The following OR2A25 variants were observed in gnomAD, a reference collection of about 807,000 sequenced individuals.
OR2A25 encodes the protein olfactory receptor family 2 subfamily A member 25.
For synonymous variants in OR2A25, 162 were observed against 148.1 expected, an observed-to-expected ratio of 1.09 and a Z score of -0.68; for missense variants, 362 against 368.3, an observed-to-expected ratio of 0.98 and a Z score of 0.14.
At chr7:144,072,968 TA>T (rs1198128252) in intron 1 of OR2A25, among the ~76,000 whole-genome samples, 2 of 152,158 alleles carry the variant, frequency 1.3e-5, no homozygotes, top group African/African-American at 4.8e-5. Context: ...GTCATTACAT[TA>T]AATGAAACAA....
rs772473296 is a variant in OR2A25 at position 144,074,263 on chromosome 7, G to A, written c.44G>A (p.Gly15Glu). The A allele has an allele frequency of 2.5e-6, 4 of 1,613,922 alleles. No individual in the cohort carries two copies. In the Admixed American group the frequency reaches 5.0e-5, roughly 20 times the overall value. Residue 15 changes from glycine to glutamate, a missense_variant, in exon 2 of 2, where the codon GGA becomes GAA. Transcript: ENST00000641663. Reference protein sequence around the residue: ...QTSITEFLLLGFPIGPRIQML... With the variant: ...QTSITEFLLLEFPIGPRIQML... ...TCCATCACAGAGTTCCTCCTACTGG[G>A]ATTTCCCATTGGCCCAAGGATTCAG...
rs572306871 is a variant in OR2A25, at chr7:144,073,774, T to C, written c.-4-442T>C. On this transcript the variant is annotated intron_variant, in intron 1 of 1. Coordinates refer to ENST00000641663, the MANE Select transcript of OR2A25 (RefSeq NM_001386096.1). ...GTGAGAAGACCTGATAGCAGGATCA[T>C]TGACATGGTCATCATCCCTCTTTCT... is the stretch of plus-strand genomic sequence containing the variant. Among the ~76,000 whole-genome samples the C allele has an allele frequency of 1.6e-4, 24 of 152,338 alleles. No homozygotes were observed. In the East Asian group the frequency reaches 4.4e-3, roughly 28 times the overall value.
chr7:144,070,191 G>A (rs2051055273), intron 1 of OR2A25: 1 of 152,068 alleles, frequency 6.6e-6, no homozygotes, highest in Non-Finnish European at 1.5e-5. Context: ...CTGAGGCATG[G>A]TTGATCTAAG....
rs373077360 is a variant in OR2A25, at chr7:144,074,778, G to C, written c.559G>C (p.Ala187Pro). The change falls in exon 2 of 2, where the codon GCC (alanine) becomes CCC (proline). Residue 187 changes from alanine to proline, a missense_variant. Ala to Pro is a conservative substitution (Grantham distance 27). Coordinates refer to ENST00000641663, the MANE Select transcript of OR2A25 (RefSeq NM_001386096.1). Reference sequence around the variant, plus strand: ...TGAAATTATGGCTGTTCTCAAACTTGCCTGTGCGGATACCCACATTAATGA... The same window carrying C: ...TGAAATTATGGCTGTTCTCAAACTTCCCTGTGCGGATACCCACATTAATGA... ...FCEIMAVLKLACADTHINEVM... is the reference protein window; with the variant it reads ...FCEIMAVLKLPCADTHINEVM... 1 of 1,614,130 alleles carries C rather than the reference G, an allele frequency of 6.2e-7. No homozygotes were observed. The highest frequency in any genetic ancestry group is 8.5e-7 in the Non-Finnish European group (1 of 1,180,030).
At position 144,074,505 on chromosome 7, in the gene OR2A25, T is replaced by C. The variant is rs1216075945; in HGVS notation, c.286T>C (p.Cys96Arg). Residue 96 changes from cysteine to arginine, a missense_variant, in exon 2 of 2, where the codon TGC (cysteine) becomes CGC (arginine). Physicochemically the swap from Cys to Arg is radical, Grantham distance 180. Coordinates refer to ENST00000641663, the MANE Select transcript of OR2A25 (RefSeq NM_001386096.1). Reference protein sequence around the residue: ...HPAKPISFAGCMTQMFLFLSF... With the variant: ...HPAKPISFAGRMTQMFLFLSF... The stretch of plus-strand genomic sequence containing the variant: ...AGCCAAGCCCATCTCCTTTGCTGGC[T>C]GCATGACCCAGATGTTTCTGTTTTT... 1.2e-6 allele frequency: 2 copies of C among 1,614,254 alleles called. No homozygotes were observed. Among genetic ancestry groups the C allele is most frequent in the Middle Eastern group, 1.6e-4 (1 of 6,062 alleles).
At position 144,074,786 on chromosome 7, in the gene OR2A25, G is replaced by C. The variant is rs753700403; in HGVS notation, c.567G>C (p.Ala189=). The C allele has an allele frequency of 6.2e-7, 1 of 1,614,092 alleles. No homozygotes were observed. Among genetic ancestry groups the C allele is most frequent in the Non-Finnish European group, 8.5e-7 (1 of 1,180,010 alleles). Residue 189 remains alanine (A), a synonymous_variant, in exon 2 of 2, where the codon GCG becomes GCC. Transcript: ENST00000641663. ...TGGCTGTTCTCAAACTTGCCTGTGC[G>C]GATACCCACATTAATGAGGTAATGG... ...EIMAVLKLAC[A]DTHINEVMVL... is the part of the protein sequence containing the mutation.
At position 144,075,548 on chromosome 7, in the gene OR2A25, G is replaced by A. The variant is rs775679138; in HGVS notation, c.*396G>A. 104 of 157,640 alleles carry A rather than the reference G, an allele frequency of 6.6e-4. No individual in the cohort carries two copies. The highest frequency in any genetic ancestry group is 1.1e-3 in the Non-Finnish European group (80 of 71,630). 9.8% of individuals were successfully genotyped at this position (157,640 alleles called of 1,614,324 possible). On this transcript the variant is annotated 3_prime_UTR_variant, in exon 2 of 2. Transcript: ENST00000641663. ...AATTATTCTTAATTTAGAACGTGCC[G>A]GCCAGACACGGTGGCTCACGCCTGT...
intron 1 of OR2A25, among the ~76,000 whole-genome samples, chr7:144,073,257 T>C (rs2128800215): frequency 6.6e-6 from 1 of 152,174 alleles, no homozygotes; most frequent in East Asian, 1.9e-4. Flanking sequence ...GTTTCTAACA[T>C]AAAGAAAAGA....
At position 144,074,979 on chromosome 7, in the gene OR2A25, G is replaced by A. The variant is rs2051101604; in HGVS notation, c.760G>A (p.Ala254Thr). Residue 254 changes from alanine to threonine, a missense_variant, in exon 2 of 2, where the codon GCC (alanine) becomes ACC (threonine). Physicochemically the swap from Ala to Thr is moderately conservative, Grantham distance 58 (BLOSUM62 0). Transcript: ENST00000641663. ...LCVVGLFYGT[A>T]IIMYVEPQYE... ...TGTGGTTGGACTCTTTTATGGCACA[G>A]CCATCATCATGTATGTTGAGCCCCA... 3 of 1,614,154 alleles carry A rather than the reference G, an allele frequency of 1.9e-6. No individual in the cohort carries two copies. Among genetic ancestry groups the A allele is most frequent in the Non-Finnish European group, 1.7e-6 (2 of 1,180,022 alleles).
chr7:144,075,232 A>T lies in OR2A25; in HGVS notation c.*80A>T. 4.0e-6 allele frequency: 4 copies of T among 991,624 alleles called. No individual in the cohort carries two copies. Among genetic ancestry groups the T allele is most frequent in the Non-Finnish European group, 6.1e-6 (4 of 659,606 alleles). 61.4% of individuals were successfully genotyped at this position (991,624 alleles called of 1,614,324 possible). On this transcript the variant is annotated 3_prime_UTR_variant, in exon 2 of 2. Coordinates refer to ENST00000641663, the MANE Select transcript of OR2A25 (RefSeq NM_001386096.1). ...GAACCCATCCCTACTCAGGATACAT[A>T]ATCACACTCTAGAGAACCCTTTCCA...
chr7:144,072,100 T>C (rs1748801274), intron 1 of OR2A25, among the ~76,000 whole-genome samples: 1 of 152,116 alleles, frequency 6.6e-6, no homozygotes, highest in Non-Finnish European at 1.5e-5. Context: ...ATTATGATTC[T>C]TGCTTTGAAG....
intron 1 of OR2A25, among the ~76,000 whole-genome samples, chr7:144,071,186 C>T (rs536361468): frequency 6.6e-6 from 1 of 151,872 alleles, no homozygotes; most frequent in Non-Finnish European, 1.5e-5. Flanking sequence ...CCTTCCCAGC[C>T]TCTAGTAACC....
chr7:144,071,499 C>T (rs1335320898), intron 1 of OR2A25, among the ~76,000 whole-genome samples: 1 of 152,002 alleles, frequency 6.6e-6, no homozygotes, highest in African/African-American at 2.4e-5. Context: ...GATATCTCTT[C>T]GATATACTGA....
rs769890904 is a variant in OR2A25, at chr7:144,074,903, G to C, written c.684G>C (p.Gln228His). Residue 228 changes from glutamine to histidine, a missense_variant, in exon 2 of 2, where the codon CAG becomes CAC. By Grantham distance (24) the Gln-to-His change is conservative. Transcript: ENST00000641663. ...TTCTATGTGCCATTCTAAAGATCCA[G>C]TCAGGAGAGGGGTGCCAGAAAGCCT... Reference protein sequence around the residue: ...VHILCAILKIQSGEGCQKAFS... With the variant: ...VHILCAILKIHSGEGCQKAFS... 1.9e-6 allele frequency: 3 copies of C among 1,614,002 alleles called. No homozygotes were observed. Among genetic ancestry groups the C allele is most frequent in the African/African-American group, 2.7e-5 (2 of 74,886 alleles).
At chr7:144,072,595 G>T (rs1375255491) in intron 1 of OR2A25, among the ~76,000 whole-genome samples, 4 of 152,118 alleles carry the variant, frequency 2.6e-5, no homozygotes, top group Non-Finnish European at 4.4e-5. Flanking sequence ...CAGAAAACAA[G>T]CACATTACAC....
In OR2A25 at chr7:144,074,921, G is replaced by A. The variant is rs774908422; in HGVS notation, c.702G>A (p.Gln234=). 1.2e-6 allele frequency: 2 copies of A among 1,614,114 alleles called. No individual in the cohort carries two copies. Among genetic ancestry groups the A allele is most frequent in the Admixed American group, 3.3e-5 (2 of 60,010 alleles). Residue 234 remains glutamine, a synonymous_variant, in exon 2 of 2, where the codon CAG becomes CAA. Coordinates refer to ENST00000641663, the MANE Select transcript of OR2A25 (RefSeq NM_001386096.1). ...AGATCCAGTCAGGAGAGGGGTGCCA[G>A]AAAGCCTTCTCCATCTGCTCCTCCC... ...ILKIQSGEGC[Q]KAFSICSSHL...
chr7:144,070,638 G>T (rs1445055719), intron 1 of OR2A25, among the ~76,000 whole-genome samples: 1 of 151,880 alleles, frequency 6.6e-6, no homozygotes, highest in East Asian at 1.9e-4. Flanking sequence ...GTGGGGGGTT[G>T]CCTCATGTTT....
chr7:144,070,968 A>G (rs2051061719), intron 1 of OR2A25, among the ~76,000 whole-genome samples: 1 of 152,062 alleles, frequency 6.6e-6, no homozygotes, highest in Admixed American at 6.6e-5. Context: ...GTTACAAAAA[A>G]TCCAATTACA....
intron 1 of OR2A25, among the ~76,000 whole-genome samples, chr7:144,072,033 A>G (rs1454666337): frequency 6.6e-6 from 1 of 152,114 alleles, no homozygotes; most frequent in African/African-American, 2.4e-5. Flanking sequence ...AATTTCAATA[A>G]TGATCAGATT....
Sources: allele counts gnomAD v4.1 joint callset (sites outside exome capture counted in the v4.1 genomes callset), GRCh38; gene constraint gnomAD v4.1.1; transcripts MANE v1.5; gene names NCBI Gene and HGNC (gene_info 2026-07-23, HGNC 2026-07-21).